Variants in N4BP1 observed in about 807,000 individuals in gnomAD.
The protein encoded by N4BP1 is NEDD4-binding protein 1.
A neutral mutation model predicts 70.9 loss-of-function variants in N4BP1; 21 were observed. The observed-to-expected ratio is 0.30, with a 90% confidence interval of 0.21 to 0.43. The LOEUF is 0.43. Ranked by LOEUF, N4BP1 falls within the 20% of genes least tolerant of loss-of-function variation. The pLI, the probability that N4BP1 is intolerant of heterozygous loss-of-function variation, is 1.00. For synonymous variants in N4BP1, 387 were observed against 394.6 expected, an observed-to-expected ratio of 0.98 and a Z score of 0.23; for missense variants, 936 against 1,069.4, an observed-to-expected ratio of 0.88 and a Z score of 1.74.
In N4BP1 at chr16:48,551,443, A is replaced by G; in HGVS notation, c.2060T>C (p.Leu687Ser). Reference protein sequence around the residue: ...FLTQLQELGILSLTPARMVFG... With the variant: ...FLTQLQELGISSLTPARMVFG... ...GACCATCCGGGCAGGAGTTAAAGAT[A>G]ATATTCCGAGCTCCTGGAGCTGGGT... The change falls in exon 4 of 7, where the codon TTA becomes TCA. Residue 687 changes from leucine to serine, a missense_variant. Around this residue, in one of 4 missense-constraint regions of N4BP1, gnomAD observed 229 missense variants for 343.5 expected, o/e 0.67. Transcript: ENST00000262384. 1 of 1,613,562 alleles carries G rather than the reference A, an allele frequency of 6.2e-7. No homozygotes were observed.
intron 2 of N4BP1, among the ~76,000 whole-genome samples, chr16:48,558,798 G>C (rs1963797867): frequency 6.6e-6 from 1 of 152,152 alleles, no homozygotes; most frequent in African/African-American, 2.4e-5. Context: ...TGCAGCTGCG[G>C]ATCATTTGCT....
chr16:48,599,841 T>A (rs1373360170), intron 1 of N4BP1, among the ~76,000 whole-genome samples: 1 of 152,204 alleles, frequency 6.6e-6, no homozygotes, highest in Non-Finnish European at 1.5e-5. Context: ...CTTAAAGGCC[T>A]GATGGCTGGA....
rs569544879 is a variant in N4BP1 at position 48,602,173 on chromosome 16, G to A, written c.198+7602C>T. Among the ~76,000 whole-genome samples the A allele has an allele frequency of 3.3e-4, 50 of 152,262 alleles. No individual in the cohort carries two copies. In the East Asian group the frequency reaches 8.1e-3, roughly 25 times the overall value. On this transcript the variant is annotated intron_variant, in intron 1 of 6. Transcript: ENST00000262384. The stretch of plus-strand genomic sequence containing the variant: ...CAAAAGGCAGAGGTTGCAGTGAGCC[G>A]AGATCATGCCACTGCACTCCAGCCT...
At chr16:48,591,538 G>C (rs1332221825) in intron 1 of N4BP1, among the ~76,000 whole-genome samples, 1 of 150,884 alleles carries the variant, frequency 6.6e-6, no homozygotes, top group East Asian at 1.9e-4. Context: ...CTGATAATAA[G>C]AGATTTTTAA....
rs115051884 is a variant in N4BP1, at chr16:48,563,815, G to A, written c.199-1371C>T. ...ATTGTATATATTCATGGGTTACACA[G>A]GGAAGTCTCAATACATATAATAATG... On this transcript the variant is annotated intron_variant, in intron 1 of 6. Coordinates refer to ENST00000262384, the MANE Select transcript of N4BP1 (RefSeq NM_153029.4). 7.3e-3 allele frequency among the ~76,000 whole-genome samples: 1,105 copies of A among 152,320 alleles called. 13 individuals carry two copies. Among genetic ancestry groups the A allele is most frequent in the African/African-American group, 0.025 (1,054 of 41,574 alleles).
rs113684163 is a variant in N4BP1, at chr16:48,549,944, G to A, written c.2117+1442C>T. Among the ~76,000 whole-genome samples, 351 of 152,236 alleles carry A rather than the reference G, an allele frequency of 2.3e-3. 2 individuals carry two copies. The highest frequency in any genetic ancestry group is 8.1e-3 in the African/African-American group (338 of 41,530). On this transcript the variant is annotated intron_variant, in intron 4 of 6. Coordinates refer to ENST00000262384, the MANE Select transcript of N4BP1 (RefSeq NM_153029.4). ...ATGAAAATAAACAGGGCAAATGCAG[G>A]GGAGAAAAGAATAAACAGCTACCAC...
chr16:48,578,542 G>T (rs1269680997), intron 1 of N4BP1, among the ~76,000 whole-genome samples: 2 of 152,140 alleles, frequency 1.3e-5, no homozygotes, highest in African/African-American at 4.8e-5. Context: ...TCAGTGATGT[G>T]GGCACTGAGT....
intron 1 of N4BP1, among the ~76,000 whole-genome samples, chr16:48,597,153 T>C (rs1272497076): frequency 1.3e-5 from 2 of 152,192 alleles, no homozygotes; most frequent in Admixed American, 6.5e-5. Flanking sequence ...TGAGTAATAA[T>C]AGAACTCCAG....
chr16:48,585,476 A>T (rs1014107230), intron 1 of N4BP1, among the ~76,000 whole-genome samples: 2 of 149,582 alleles, frequency 1.3e-5, no homozygotes, highest in Admixed American at 6.7e-5. Flanking sequence ...GTCTCTATTT[A>T]AAAAAAAAAT....
In N4BP1 at chr16:48,563,342, G is replaced by A. The variant is rs528433509; in HGVS notation, c.199-898C>T. ...TGCATTCCAGCCTGGGCCAAAGAGC[G>A]GGACCCTATCTCTAAAAAAAAATTT... On this transcript the variant is annotated intron_variant, in intron 1 of 6. Coordinates refer to ENST00000262384, the MANE Select transcript of N4BP1 (RefSeq NM_153029.4). 1.1e-3 allele frequency among the ~76,000 whole-genome samples: 173 copies of A among 151,794 alleles called. 1 individual carries two copies. Among genetic ancestry groups the A allele is most frequent in the African/African-American group, 3.9e-3 (161 of 41,410 alleles).
chr16:48,592,403 C>A (rs1964351928), intron 1 of N4BP1, among the ~76,000 whole-genome samples: 1 of 152,050 alleles, frequency 6.6e-6, no homozygotes, highest in Admixed American at 6.6e-5. Context: ...TCCAGCTGTG[C>A]CTGCTTTTTA....
intron 1 of N4BP1, chr16:48,600,780 C>T (rs1233616120): frequency 1.5e-5 from 4 of 273,636 alleles, no homozygotes; most frequent in Non-Finnish European, 2.8e-5. Flanking sequence ...CCTACACTGC[C>T]ATCTACAAAA....
intron 1 of N4BP1, among the ~76,000 whole-genome samples, chr16:48,568,748 A>G (rs1963975001): frequency 6.6e-6 from 1 of 152,090 alleles, no homozygotes; most frequent in Non-Finnish European, 1.5e-5. Context: ...GCAGTTTCTG[A>G]TAAGTCACAG....
At chr16:48,572,291 G>C (rs951205702) in intron 1 of N4BP1, among the ~76,000 whole-genome samples, 4 of 152,048 alleles carry the variant, frequency 2.6e-5, no homozygotes, top group Admixed American at 2.6e-4. Context: ...ATCTTGAAAG[G>C]GAAAACAAAA....
At chr16:48,600,151 T>C (rs1000698291) in intron 1 of N4BP1, 23 of 488,700 alleles carry the variant, frequency 4.7e-5, no homozygotes, top group East Asian at 4.5e-4. Flanking sequence ...TGGTGACCCA[T>C]GCAGGTTTAA....
At chr16:48,594,059 C>T (rs916840995) in intron 1 of N4BP1, among the ~76,000 whole-genome samples, 8 of 146,492 alleles carry the variant, frequency 5.5e-5, no homozygotes, top group Admixed American at 6.8e-5. Context: ...TAAAGATGCA[C>T]TAATGCAAAC....
chr16:48,594,614 C>T (rs1045706050), intron 1 of N4BP1, among the ~76,000 whole-genome samples: 6 of 152,156 alleles, frequency 3.9e-5, no homozygotes, highest in Admixed American at 3.9e-4. Flanking sequence ...CCTCGACCTC[C>T]CAAAGTGCTG....
intron 1 of N4BP1, among the ~76,000 whole-genome samples, chr16:48,563,602 C>T (rs963457864): frequency 6.6e-6 from 1 of 152,136 alleles, no homozygotes; most frequent in African/African-American, 2.4e-5. Flanking sequence ...TGGTCTTGAA[C>T]TCCTGACCTC....
In N4BP1 at chr16:48,561,850, G is replaced by C. The variant is rs772844228; in HGVS notation, c.793C>G (p.Pro265Ala). 11 of 1,613,782 alleles carry C rather than the reference G, an allele frequency of 6.8e-6. No homozygotes were observed. Among genetic ancestry groups the C allele is most frequent in the East Asian group, 2.2e-5 (1 of 44,870 alleles). Reference protein sequence around the residue: ...LSSSPDVLFDPINGLTPDEEA... With the variant: ...LSSSPDVLFDAINGLTPDEEA... ...TCATCTGGGGTTAGACCATTTATTG[G>C]ATCAAAAAGCACATCTGGTGAGCTA... The change falls in exon 2 of 7, where the codon CCA becomes GCA. Residue 265 changes from proline (P) to alanine (A), a missense_variant. Around this residue, in one of 4 missense-constraint regions of N4BP1, gnomAD observed 515 missense variants for 491.7 expected, o/e 1.05. Coordinates refer to ENST00000262384, the MANE Select transcript of N4BP1 (RefSeq NM_153029.4).
Sources: gnomAD v4.1 joint callset for allele counts (sites outside exome capture counted in the v4.1 genomes callset) on GRCh38, gnomAD v4.1.1 for gene constraint, gnomAD v4.1.1 regional missense constraint, MANE v1.5 for transcripts, NCBI Gene and HGNC (gene_info 2026-07-23, HGNC 2026-07-21) for gene names.